The following ANKRD55 variants were observed in gnomAD, a reference collection of about 807,000 sequenced individuals.
ANKRD55 encodes ankyrin repeat domain-containing protein 55.
In ANKRD55, 41 loss-of-function variants were observed where a neutral mutation model predicts 60.6. The observed-to-expected ratio is 0.68, with a 90% CI of 0.53 to 0.88. The LOEUF (loss-of-function observed/expected upper bound fraction) is 0.88. ANKRD55 is among the 40% of genes least tolerant of loss of function. The pLI is 0.00. For missense variants in ANKRD55, 732 were observed against 767.6 expected (o/e 0.95, Z 0.55); for synonymous variants, 264 against 290.3 (o/e 0.91, Z 0.92).
chr5:56,109,082 C>A (rs1020008049), intron 10 of ANKRD55, among the ~76,000 whole-genome samples: 3 of 151,128 alleles, frequency 2.0e-5, no homozygotes, highest in African/African-American at 4.9e-5. Flanking sequence ...CACACACACC[C>A]CACCGCCCAA....
At chr5:56,204,897 C>G (rs1253929378) in intron 2 of ANKRD55, among the ~76,000 whole-genome samples, 1 of 152,208 alleles carries the variant, frequency 6.6e-6, no homozygotes, top group African/African-American at 2.4e-5. Flanking sequence ...CCAGGAATGG[C>G]AGGTGTTGGA....
chr5:56,210,862 C>T (rs1452545570), intron 2 of ANKRD55, among the ~76,000 whole-genome samples: 2 of 152,026 alleles, frequency 1.3e-5, no homozygotes, highest in African/African-American at 2.4e-5. Context: ...ATTCTGCAAT[C>T]AATTTTTTTC....
intron 5 of ANKRD55, among the ~76,000 whole-genome samples, chr5:56,163,575 A>C (rs1758382549): frequency 6.6e-6 from 1 of 152,170 alleles, no homozygotes; most frequent in Non-Finnish European, 1.5e-5. Context: ...AGTCCCAGAC[A>C]GGTGGTGTGT....
intron 2 of ANKRD55, among the ~76,000 whole-genome samples, chr5:56,200,978 A>G (rs536033037): frequency 6.6e-6 from 1 of 152,176 alleles, no homozygotes; most frequent in Non-Finnish European, 1.5e-5. Flanking sequence ...TTACTCATCT[A>G]CCATATGCTA....
intron 2 of ANKRD55, among the ~76,000 whole-genome samples, chr5:56,231,911 A>G (rs957691136): frequency 8.5e-5 from 13 of 152,194 alleles, no homozygotes; most frequent in Admixed American, 2.0e-4. Context: ...ATGAAGCAGT[A>G]CATTTTCTTA....
chr5:56,217,895 C>T (rs1017840009), intron 2 of ANKRD55, among the ~76,000 whole-genome samples: 1 of 76,764 alleles, frequency 1.3e-5, no homozygotes, highest in Non-Finnish European at 2.8e-5. Flanking sequence ...GACTCCGTCT[C>T]AAAAAAAAAA....
At chr5:56,199,168 A>G (rs957019420) in intron 2 of ANKRD55, among the ~76,000 whole-genome samples, 10 of 152,184 alleles carry the variant, frequency 6.6e-5, no homozygotes, top group Admixed American at 3.9e-4. Flanking sequence ...CAAAGGGTGG[A>G]ATAAGGAATT....
chr5:56,204,807 G>A (rs1227211662), intron 2 of ANKRD55, among the ~76,000 whole-genome samples: 1 of 152,190 alleles, frequency 6.6e-6, no homozygotes, highest in Non-Finnish European at 1.5e-5. Context: ...TAAGTTAAGT[G>A]TTGTTATGAA....
At chr5:56,161,571 T>C (rs961596290) in intron 5 of ANKRD55, among the ~76,000 whole-genome samples, 15 of 152,256 alleles carry the variant, frequency 9.9e-5, no homozygotes, top group African/African-American at 3.4e-4. Flanking sequence ...GAGATGGACT[T>C]CTGGTTATTT....
At chr5:56,228,226 G>T (rs997577528) in intron 2 of ANKRD55, among the ~76,000 whole-genome samples, 2 of 152,100 alleles carry the variant, frequency 1.3e-5, no homozygotes, top group African/African-American at 4.8e-5. Flanking sequence ...GGATTATCTG[G>T]GTGGTCCCTA....
At chr5:56,102,465 G>A (rs1204738409) in intron 11 of ANKRD55, 29 bp downstream of exon 11, 3 of 1,459,454 alleles carry the variant, frequency 2.1e-6, no homozygotes, top group Non-Finnish European at 2.9e-6. Flanking sequence ...CACTTGCAAA[G>A]GAAGCTGCGG....
chr5:56,209,132 T>C (rs1246894515), intron 2 of ANKRD55, among the ~76,000 whole-genome samples: 1 of 152,020 alleles, frequency 6.6e-6, no homozygotes, highest in Admixed American at 6.5e-5. Context: ...GATTTTTGTA[T>C]TTTTAGTGGA....
At chr5:56,228,027 G>A (rs999624049) in intron 2 of ANKRD55, among the ~76,000 whole-genome samples, 2 of 152,198 alleles carry the variant, frequency 1.3e-5, no homozygotes, top group Admixed American at 1.3e-4. Flanking sequence ...GAGTCACAGT[G>A]TTGCGTGCTT....
intron 2 of ANKRD55, among the ~76,000 whole-genome samples, chr5:56,231,554 A>G (rs1256275449): frequency 6.6e-6 from 1 of 152,100 alleles, no homozygotes; most frequent in Non-Finnish European, 1.5e-5. Context: ...TATAAAATGT[A>G]CCAGGAGGAG....
At chr5:56,168,519 A>G (rs1031593203) in intron 5 of ANKRD55, among the ~76,000 whole-genome samples, 1 of 152,180 alleles carries the variant, frequency 6.6e-6, no homozygotes, top group Admixed American at 6.5e-5. Flanking sequence ...GCATATTGTT[A>G]TAATTGTTCT....
intron 3 of ANKRD55, among the ~76,000 whole-genome samples, chr5:56,183,044 A>G (rs1758884563): frequency 6.6e-6 from 1 of 152,208 alleles, no homozygotes. Context: ...AACCCTGGGC[A>G]CTTACACCAT....
intron 2 of ANKRD55, among the ~76,000 whole-genome samples, chr5:56,189,862 T>C (rs1028366260): frequency 6.6e-6 from 1 of 152,190 alleles, no homozygotes; most frequent in Non-Finnish European, 1.5e-5. Flanking sequence ...CTAGATCATG[T>C]GATAATTCCA....
chr5:56,195,846 C>T (rs1581014545), intron 2 of ANKRD55, among the ~76,000 whole-genome samples: 3 of 152,180 alleles, frequency 2.0e-5, no homozygotes, highest in Non-Finnish European at 4.4e-5. Context: ...CCATGGATTA[C>T]TCTGCCCACA....
At chr5:56,195,708 T>C (rs1759213932) in intron 2 of ANKRD55, among the ~76,000 whole-genome samples, 1 of 152,198 alleles carries the variant, frequency 6.6e-6, no homozygotes. Context: ...CCTCCCAAAG[T>C]GCTGGGATTA....
Sources: gnomAD v4.1 joint callset for allele counts (sites outside exome capture counted in the v4.1 genomes callset) on GRCh38, gnomAD v4.1.1 for gene constraint, MANE v1.5 for transcripts, NCBI Gene and HGNC (gene_info 2026-07-23, HGNC 2026-07-21) for gene names.